AKAP13: variants seen among roughly 807,000 people sequenced by gnomAD.
AKAP13 encodes the protein A-kinase anchoring protein 13, also known as A-kinase anchor protein 13.
A neutral mutation model predicts 264.5 loss-of-function variants in AKAP13; 80 were observed. The ratio of observed to expected loss-of-function variants is 0.30; its 90% CI spans 0.25 to 0.36. AKAP13 has a LOEUF of 0.36. Among genes scored for constraint, AKAP13 ranks in the 10% least tolerant of loss-of-function variants. AKAP13 has a pLI of 1.00. For synonymous variants in AKAP13, 1,380 were observed against 1,250.2 expected, an observed-to-expected ratio of 1.10 and a Z score of -2.19; for missense variants, 3,712 against 3,435.2, an observed-to-expected ratio of 1.08 and a Z score of -2.01.
chr15:85,511,063 T>G (rs887602265), intron 2 of AKAP13, among the ~76,000 whole-genome samples: 5 of 152,152 alleles, frequency 3.3e-5, no homozygotes, highest in Non-Finnish European at 5.9e-5. Flanking sequence ...AAAAAAAAAT[T>G]TCTGAGTTTG....
intron 18 of AKAP13, chr15:85,710,329 G>T: frequency 2.7e-6 from 1 of 375,978 alleles, no homozygotes; most frequent in Admixed American, 4.3e-5. Flanking sequence ...TCGTCTTAAA[G>T]GGGAAGAATG....
intron 8 of AKAP13, among the ~76,000 whole-genome samples, chr15:85,599,469 A>G (rs2079959782): frequency 6.6e-6 from 1 of 152,284 alleles, no homozygotes; most frequent in African/African-American, 2.4e-5. Flanking sequence ...TTCTGGCAGT[A>G]GTGAATTCAG....
At chr15:85,479,316 G>T (rs1413418190) in intron 1 of AKAP13, among the ~76,000 whole-genome samples, 2 of 152,200 alleles carry the variant, frequency 1.3e-5, no homozygotes, top group Admixed American at 1.3e-4. Flanking sequence ...CCTGGAGGAA[G>T]AGCTGAACAT....
intron 1 of AKAP13, chr15:85,415,192 ACC>A: frequency 7.4e-7 from 1 of 1,354,634 alleles, no homozygotes; most frequent in South Asian, 1.2e-5. Flanking sequence ...GCCGACGCAG[ACC>A]CCGCTCTGCA....
intron 29 of AKAP13, among the ~76,000 whole-genome samples, chr15:85,728,168 T>C (rs763408437): frequency 5.3e-5 from 8 of 152,234 alleles, no homozygotes; most frequent in Non-Finnish European, 1.0e-4. Context: ...CAGAATTCTA[T>C]TCCCTGTCTT....
intron 12 of AKAP13, among the ~76,000 whole-genome samples, chr15:85,661,685 C>G (rs1324242725): frequency 1.5e-5 from 2 of 132,282 alleles, no homozygotes; most frequent in Non-Finnish European, 3.5e-5. Flanking sequence ...CGCACCATTA[C>G]TCTCTAGCCT....
intron 1 of AKAP13, among the ~76,000 whole-genome samples, chr15:85,431,925 G>A (rs1470903102): frequency 1.3e-5 from 2 of 152,106 alleles, no homozygotes; most frequent in Non-Finnish European, 2.9e-5. Flanking sequence ...TGTCAACAGT[G>A]GTACAGTTAC....
At chr15:85,636,057 G>A (rs944785112) in intron 8 of AKAP13, among the ~76,000 whole-genome samples, 1 of 152,040 alleles carries the variant, frequency 6.6e-6, no homozygotes, top group Non-Finnish European at 1.5e-5. Context: ...TGGAATCTCT[G>A]TATTTATTTA....
At chr15:85,568,469 A>C (rs890202752) in intron 5 of AKAP13, among the ~76,000 whole-genome samples, 1 of 152,282 alleles carries the variant, frequency 6.6e-6, no homozygotes, top group South Asian at 2.1e-4. Context: ...AGGAATGCAC[A>C]TTTACAGTTT....
intron 1 of AKAP13, among the ~76,000 whole-genome samples, chr15:85,392,293 C>T (rs924541292): frequency 5.8e-5 from 7 of 121,368 alleles, no homozygotes; most frequent in South Asian, 2.7e-4. Context: ...CTCGCTCTGT[C>T]GCCAAGGCTG....
In AKAP13 at chr15:85,555,438, C is replaced by G. The variant is rs11858611; in HGVS notation, c.662+11483C>G. ...CTATTTTTAAAGCTGTAGTATGAAG[C>G]CAAAACTAAAAGAGGATGGGCTTGC... On this transcript the variant is annotated intron_variant, in intron 5 of 36. Coordinates refer to ENST00000394518, the MANE Select transcript of AKAP13 (RefSeq NM_007200.5). 6,464 of 1,288,920 alleles carry G rather than the reference C, an allele frequency of 5.0e-3. 166 individuals carry two copies. In the African/African-American group the frequency reaches 0.069, roughly 14 times the overall value. 79.8% of individuals were successfully genotyped at this position (1,288,920 alleles called of 1,614,324 possible).
At chr15:85,715,358 T>C (rs1366193786) in intron 19 of AKAP13, among the ~76,000 whole-genome samples, 1 of 152,208 alleles carries the variant, frequency 6.6e-6, no homozygotes, top group South Asian at 2.1e-4. Context: ...AGTCTTTTGC[T>C]TTTACCAATG....
At chr15:85,732,670 C>G (rs899863292) in intron 30 of AKAP13, among the ~76,000 whole-genome samples, 1 of 150,252 alleles carries the variant, frequency 6.7e-6, no homozygotes, top group South Asian at 2.1e-4. Context: ...AAGGATACAT[C>G]ATAGAATTCG....
chr15:85,526,561 A>G (rs1384263504), intron 3 of AKAP13, among the ~76,000 whole-genome samples: 1 of 152,130 alleles, frequency 6.6e-6, no homozygotes, highest in Non-Finnish European at 1.5e-5. Context: ...GTGACCCACC[A>G]TACCTGGCCT....
chr15:85,730,262 A>C (rs2087906639), intron 29 of AKAP13, among the ~76,000 whole-genome samples: 1 of 152,228 alleles, frequency 6.6e-6, no homozygotes, highest in Non-Finnish European at 1.5e-5. Flanking sequence ...ACGGGAGTGG[A>C]AGCAAAGTGC....
chr15:85,620,629 C>T (rs557014791), intron 8 of AKAP13, among the ~76,000 whole-genome samples: 69 of 152,144 alleles, frequency 4.5e-4, no homozygotes, highest in Non-Finnish European at 6.9e-4. Context: ...GCTACTGTCT[C>T]GTTCAATTCT....
At chr15:85,567,543 G>A (rs988256420) in intron 5 of AKAP13, among the ~76,000 whole-genome samples, 1 of 152,276 alleles carries the variant, frequency 6.6e-6, no homozygotes, top group Admixed American at 6.5e-5. Context: ...GACAAGCTGT[G>A]TGCATGTGCT....
At chr15:85,403,804 C>T (rs989749231) in intron 1 of AKAP13, among the ~76,000 whole-genome samples, 2 of 148,894 alleles carry the variant, frequency 1.3e-5, no homozygotes, top group African/African-American at 5.0e-5. Context: ...GCCTAGACCA[C>T]ACCATCGCAT....
At chr15:85,627,354 G>GA (rs762563262) in intron 8 of AKAP13, among the ~76,000 whole-genome samples, 58 of 152,060 alleles carry the variant, frequency 3.8e-4, no homozygotes, top group Non-Finnish European at 2.9e-4. Context: ...TTACTTCTGT[G>GA]AATTTTGCCC....
Sources: gnomAD v4.1 joint callset for allele counts (sites outside exome capture counted in the v4.1 genomes callset) on GRCh38, gnomAD v4.1.1 for gene constraint, MANE v1.5 for transcripts, NCBI Gene and HGNC (gene_info 2026-07-23, HGNC 2026-07-21) for gene names.